Variants in NRXN3 observed in about 807,000 individuals in gnomAD.
NRXN3 encodes neurexin 3.
In NRXN3, 32 loss-of-function variants were observed where a neutral mutation model predicts 137.6. The ratio of observed to expected loss-of-function variants is 0.23; its 90% CI spans 0.18 to 0.31. The LOEUF (loss-of-function observed/expected upper bound fraction) is 0.31. Among genes scored for constraint, NRXN3 ranks in the 10% least tolerant of loss-of-function variants. The pLI, the probability that NRXN3 is intolerant of heterozygous loss-of-function variation, is 1.00. For synonymous variants in NRXN3, 798 were observed against 784.5 expected (o/e 1.02, Z -0.29); for missense variants, 1,574 against 2,062.5 (o/e 0.76, Z 4.59).
chr14:78,824,947 G>A (rs935599207), intron 10 of NRXN3, among the ~76,000 whole-genome samples: 2 of 151,908 alleles, frequency 1.3e-5, no homozygotes, highest in Admixed American at 6.6e-5. Context: ...CACCTACTAT[G>A]TACCCATAAA....
chr14:78,589,871 T>C (rs2097100799), intron 4 of NRXN3, among the ~76,000 whole-genome samples: 1 of 152,122 alleles, frequency 6.6e-6, no homozygotes, highest in South Asian at 2.1e-4. Context: ...AAGTTTCAAA[T>C]TGCTTGAACC....
intron 10 of NRXN3, among the ~76,000 whole-genome samples, chr14:78,828,582 T>C (rs1041981792): frequency 6.6e-6 from 1 of 152,202 alleles, no homozygotes; most frequent in African/African-American, 2.4e-5. Context: ...AAACAAGTGG[T>C]AGGACAGATT....
intron 15 of NRXN3, among the ~76,000 whole-genome samples, chr14:79,197,959 A>G (rs1367662113): frequency 2.0e-5 from 3 of 152,236 alleles, no homozygotes; most frequent in African/African-American, 7.2e-5. Flanking sequence ...TGTTCACAAC[A>G]TCTTCACCAG....
intron 4 of NRXN3, among the ~76,000 whole-genome samples, chr14:78,580,310 C>A (rs941774607): frequency 3.9e-5 from 6 of 152,234 alleles, no homozygotes; most frequent in Non-Finnish European, 7.4e-5. Flanking sequence ...AGCTGCCAAT[C>A]TCATTACACA....
chr14:79,546,365 A>G (rs2097320705), intron 16 of NRXN3, among the ~76,000 whole-genome samples: 2 of 152,224 alleles, frequency 1.3e-5, no homozygotes, highest in South Asian at 4.1e-4. Flanking sequence ...TGATGTTACT[A>G]CTTCCTAAAA....
intron 15 of NRXN3, among the ~76,000 whole-genome samples, chr14:79,196,801 ATTAAT>A (rs1373700445): frequency 6.6e-6 from 1 of 152,198 alleles, no homozygotes; most frequent in African/African-American, 2.4e-5. Flanking sequence ...CAGGAATGTT[ATTAAT>A]TTAATTAGTT....
intron 15 of NRXN3, among the ~76,000 whole-genome samples, chr14:79,120,673 T>A (rs1252982948): frequency 6.6e-6 from 1 of 152,152 alleles, no homozygotes; most frequent in East Asian, 1.9e-4. Context: ...TTTTTAAATT[T>A]TTTATATTAT....
intron 16 of NRXN3, among the ~76,000 whole-genome samples, chr14:79,587,453 T>A (rs1010353949): frequency 6.6e-6 from 1 of 152,208 alleles, no homozygotes; most frequent in Non-Finnish European, 1.5e-5. Flanking sequence ...TGTCAACACC[T>A]CTCTTAATTG....
chr14:79,145,315 T>G (rs1265331212), intron 15 of NRXN3, among the ~76,000 whole-genome samples: 2 of 152,176 alleles, frequency 1.3e-5, no homozygotes, highest in Non-Finnish European at 2.9e-5. Flanking sequence ...TCTTTACTCC[T>G]TTTTGTCTTG....
chr14:78,877,252 G>A (rs182816043), intron 10 of NRXN3, among the ~76,000 whole-genome samples: 5 of 152,230 alleles, frequency 3.3e-5, no homozygotes, highest in East Asian at 3.9e-4. Flanking sequence ...TATGAGGATC[G>A]GATGAAGGTA....
At chr14:78,886,133 T>G (rs1047244533) in intron 10 of NRXN3, among the ~76,000 whole-genome samples, 1 of 152,160 alleles carries the variant, frequency 6.6e-6, no homozygotes, top group African/African-American at 2.4e-5. Flanking sequence ...TGGCTGGCAT[T>G]GCTTTGTTGC....
At chr14:78,822,935 C>T (rs1340436902) in intron 10 of NRXN3, among the ~76,000 whole-genome samples, 1 of 152,110 alleles carries the variant, frequency 6.6e-6, no homozygotes, top group Non-Finnish European at 1.5e-5. Context: ...TCACTAATAC[C>T]TCCTATCTCT....
chr14:78,658,793 G>A (rs1468224049), intron 6 of NRXN3, among the ~76,000 whole-genome samples: 1 of 152,196 alleles, frequency 6.6e-6, no homozygotes, highest in Admixed American at 6.5e-5. Context: ...GTACGGAAAA[G>A]CACTCTGTGG....
At chr14:78,982,307 C>T (rs570664209) in intron 14 of NRXN3, among the ~76,000 whole-genome samples, 93 of 152,078 alleles carry the variant, frequency 6.1e-4, no homozygotes, top group Non-Finnish European at 1.0e-3. Flanking sequence ...AGAACCCTCA[C>T]GCTATACCAA....
At chr14:78,466,476 A>G (rs2095110170) in intron 4 of NRXN3, among the ~76,000 whole-genome samples, 1 of 152,210 alleles carries the variant, frequency 6.6e-6, no homozygotes, top group African/African-American at 2.4e-5. Context: ...ATGGAAATGA[A>G]TGTTGAGAAG....
At chr14:79,019,679 A>G (rs991206913) in intron 15 of NRXN3, among the ~76,000 whole-genome samples, 1 of 152,228 alleles carries the variant, frequency 6.6e-6, no homozygotes, top group Admixed American at 6.5e-5. Flanking sequence ...ACAGAGGCCC[A>G]TGGAGTGGAG....
chr14:78,826,233 A>T (rs1336853731), intron 10 of NRXN3, among the ~76,000 whole-genome samples: 1 of 152,072 alleles, frequency 6.6e-6, no homozygotes, highest in Non-Finnish European at 1.5e-5. Flanking sequence ...TTCTTTCTCA[A>T]TTTTTTAGTT....
chr14:78,435,909 C>T (rs928578644), intron 4 of NRXN3, among the ~76,000 whole-genome samples: 4 of 152,150 alleles, frequency 2.6e-5, no homozygotes, highest in Non-Finnish European at 5.9e-5. Flanking sequence ...AAAATGCATG[C>T]CTTGTTCTCA....
chr14:78,551,967 T>C (rs914045629), intron 4 of NRXN3, among the ~76,000 whole-genome samples: 12 of 152,178 alleles, frequency 7.9e-5, no homozygotes, highest in Admixed American at 1.3e-4. Context: ...CCCCAGACTT[T>C]GCTTGTTGGT....
Sources: allele counts gnomAD v4.1 joint callset (sites outside exome capture counted in the v4.1 genomes callset), GRCh38; gene constraint gnomAD v4.1.1; transcripts MANE v1.5; gene names NCBI Gene and HGNC (gene_info 2026-07-23, HGNC 2026-07-21).